The following VPS18 variants were observed in gnomAD, a reference collection of about 807,000 sequenced individuals.
VPS18 encodes the protein VPS18 core subunit of CORVET and HOPS complexes, also known as vacuolar protein sorting-associated protein 18 homolog.
A neutral mutation model predicts 82.0 loss-of-function variants in VPS18; 25 were observed. That is an observed-to-expected ratio of 0.30 (90% CI 0.22 to 0.43). The LOEUF is 0.43. Among genes scored for constraint, VPS18 ranks in the 20% least tolerant of loss-of-function variants. The probability of loss-of-function intolerance (pLI) is 1.00; values close to 1 mark genes in which losing one functional copy is unlikely to be tolerated. For missense variants in VPS18, 1,168 were observed against 1,311.1 expected (o/e 0.89, Z 1.69); for synonymous variants, 523 against 543.0 (o/e 0.96, Z 0.51).
At chr15:40,898,360 A>G (rs1285849699) in intron 2 of VPS18, among the ~76,000 whole-genome samples, 1 of 151,828 alleles carries the variant, frequency 6.6e-6, no homozygotes, top group African/African-American at 2.4e-5. Flanking sequence ...CTGTGCCCCT[A>G]AAAGCTGAGA....
At position 40,900,673 on chromosome 15, in the gene VPS18, A is replaced by G; in HGVS notation, c.1855A>G (p.Ser619Gly). 1.2e-6 allele frequency: 2 copies of G among 1,614,138 alleles called. No individual in the cohort carries two copies. The highest frequency in any genetic ancestry group is 1.7e-6 in the Non-Finnish European group (2 of 1,180,032). The stretch of plus-strand genomic sequence containing the variant: ...TGTAGATGCCTGGATTGAGATGGGC[A>G]GCCGGCTGGATGCTCGTCAGCTCAT... ...QLVDAWIEMG[S>G]RLDARQLIPA... The change falls in exon 4 of 5, where the codon AGC becomes GGC. Residue 619 changes from serine (S) to glycine (G), a missense_variant. Around this residue, in one of 3 missense-constraint regions of VPS18, gnomAD observed 868 missense variants for 939.8 expected, o/e 0.92. Transcript: ENST00000220509. This position sits in a 1 kb window ranked among gnomAD's most constrained non-coding sequence, Gnocchi z 5.4.
chr15:40,896,668 G>T (rs145729399), intron 2 of VPS18, among the ~76,000 whole-genome samples: 1 of 151,718 alleles, frequency 6.6e-6, no homozygotes, highest in Non-Finnish European at 1.5e-5. Context: ...AAAGTTAGCC[G>T]GGCGTGGTGG....
rs1195824815 is a variant in VPS18, at chr15:40,899,123, G to A, written c.326-21G>A. On this transcript the variant is annotated intron_variant, in intron 3 of 4. Coordinates refer to ENST00000220509, the MANE Select transcript of VPS18 (RefSeq NM_020857.3). The surrounding 1 kb of genome is among the most constrained non-coding windows in gnomAD (Gnocchi z 4.4). The stretch of plus-strand genomic sequence containing the variant: ...TGGGAACGGCAGCATCCACTGGGGC[G>A]CCATGCTCTCCCCACTCCAGGCTCT... 6.2e-6 allele frequency: 10 copies of A among 1,606,570 alleles called. No individual in the cohort carries two copies. The highest frequency in any genetic ancestry group is 5.3e-5 in the African/African-American group (4 of 74,830).
chr15:40,894,745 C>T lies in VPS18; in HGVS notation c.-24C>T, dbSNP rs930678417. ...CCTTTTGTAATCCCCAGGCCCCGGACAAAGAGCCCAGAGGCCGGGCACCAT... is the reference window on the plus strand; with the variant it reads ...CCTTTTGTAATCCCCAGGCCCCGGATAAAGAGCCCAGAGGCCGGGCACCAT... On this transcript the variant is annotated 5_prime_UTR_variant, in exon 1 of 5. Coordinates refer to ENST00000220509, the MANE Select transcript of VPS18 (RefSeq NM_020857.3). 6.5e-7 allele frequency: 1 copy of T among 1,538,998 alleles called. No homozygotes were observed.
chr15:40,899,483 C>CCACCACT lies in VPS18; in HGVS notation c.667_673dup (p.Arg225HisfsTer18). On this transcript the variant is annotated frameshift_variant, in exon 4 of 5. Transcript: ENST00000220509. LOFTEE classifies it high-confidence loss of function. This position sits in a 1 kb window ranked among gnomAD's most constrained non-coding sequence, Gnocchi z 4.4. ...CCTGATGGGCGTAGCTTTGTTATTG[C>CCACCACT]CACCACTCGGCAGCGCCTCTTCCAG... 1.9e-6 allele frequency: 3 copies of CCACCACT among 1,611,018 alleles called. No individual in the cohort carries two copies. Among genetic ancestry groups the CCACCACT allele is most frequent in the Non-Finnish European group, 2.5e-6 (3 of 1,178,752 alleles).
Position 40,896,015 on chromosome 15 carries a change from A to G in VPS18, c.169A>G (p.Ile57Val). ...QRIDFTPSER[I>V]TSLVVSSNQL... The stretch of plus-strand genomic sequence containing the variant: ...CATTGACTTCACCCCTTCCGAGCGC[A>G]TTACCAGTCTTGTCGTCTCCAGCAA... Residue 57 changes from isoleucine to valine, a missense_variant, in exon 2 of 5, where the codon ATT becomes GTT. Physicochemically the swap from Ile to Val is conservative, Grantham distance 29. Transcript: ENST00000220509. 5 of 1,614,202 alleles carry G rather than the reference A, an allele frequency of 3.1e-6. No individual in the cohort carries two copies. The highest frequency in any genetic ancestry group is 4.2e-6 in the Non-Finnish European group (5 of 1,180,036).
intron 1 of VPS18, 40 bp downstream of exon 1, chr15:40,894,899 C>T: frequency 4.6e-6 from 7 of 1,528,116 alleles, no homozygotes; most frequent in Non-Finnish European, 6.2e-6. Flanking sequence ...TTCGGCTCTC[C>T]TAGCATTTGC....
Position 40,898,908 on chromosome 15 carries a change from A to G in VPS18, c.235A>G (p.Ile79Val). ...TGATGGTGACGCTTGTCCCCACAGC[A>G]TTGACTTGGGCAAGGCAAATGAGCC... is the stretch of plus-strand genomic sequence containing the variant. ...MSLGKDTLLR[I>V]DLGKANEPNH... Residue 79 changes from isoleucine to valine, a missense_variant and splice_region_variant, in exon 3 of 5, where the codon ATT (isoleucine) becomes GTT (valine). By Grantham distance (29) the Ile-to-Val change is conservative. Around this residue, in one of 3 missense-constraint regions of VPS18, gnomAD observed 868 missense variants for 939.8 expected, o/e 0.92. Transcript: ENST00000220509. 3 of 1,614,006 alleles carry G rather than the reference A, an allele frequency of 1.9e-6. No individual in the cohort carries two copies. The highest frequency in any genetic ancestry group is 2.5e-6 in the Non-Finnish European group (3 of 1,179,948).
chr15:40,899,342 C>G lies in VPS18; in HGVS notation c.524C>G (p.Ser175Ter). Residue 175 changes from serine (S) to a stop codon, truncating the protein, a stop_gained, in exon 4 of 5, where the codon TCA becomes TGA. Coordinates refer to ENST00000220509, the MANE Select transcript of VPS18 (RefSeq NM_020857.3). LOFTEE classifies it high-confidence loss of function. This position sits in a 1 kb window ranked among gnomAD's most constrained non-coding sequence, Gnocchi z 4.4. ...AQGHIFEAELSASEGGLFGPA... is the reference protein window; with the variant it reads ...AQGHIFEAEL ...GGCCACATCTTTGAAGCAGAGCTCT[C>G]AGCCAGCGAAGGTGGGCTTTTCGGC... 1 of 1,613,396 alleles carries G rather than the reference C, an allele frequency of 6.2e-7. No homozygotes were observed.
At position 40,896,097 on chromosome 15, in the gene VPS18, G is replaced by A; in HGVS notation, c.233+18G>A. ...CTGCTCCGGTAATCAAGAGCTCACA[G>A]AGCTTAGGAGTAGGGACTAGAGAGG... On this transcript the variant is annotated intron_variant, in intron 2 of 4. Coordinates refer to ENST00000220509, the MANE Select transcript of VPS18 (RefSeq NM_020857.3). 1 of 1,614,112 alleles carries A rather than the reference G, an allele frequency of 6.2e-7. No individual in the cohort carries two copies. The highest frequency in any genetic ancestry group is 1.1e-5 in the South Asian group (1 of 91,078).
rs1280730648 is a variant in VPS18, at chr15:40,899,073, G to A, written c.326-71G>A. 1.2e-6 allele frequency: 2 copies of A among 1,605,948 alleles called. No individual in the cohort carries two copies. Among genetic ancestry groups the A allele is most frequent in the African/African-American group, 1.3e-5 (1 of 74,858 alleles). On this transcript the variant is annotated intron_variant, in intron 3 of 4. Transcript: ENST00000220509. This position sits in a 1 kb window ranked among gnomAD's most constrained non-coding sequence, Gnocchi z 4.4. Reference sequence around the variant, plus strand: ...TGGGTGGGTGGGCTCTGAGGGTGGTGTGGGGGCCAGGAGGAGGCTGAGGAT... The same window carrying A: ...TGGGTGGGTGGGCTCTGAGGGTGGTATGGGGGCCAGGAGGAGGCTGAGGAT...
Position 40,902,108 on chromosome 15 carries a change from CTTTCTTTCTT to C in VPS18, c.2197-504_2197-495del, listed in dbSNP as rs142458260. 0.036 allele frequency among the ~76,000 whole-genome samples: 5,336 copies of C among 149,760 alleles called. 145 individuals carry two copies. Among genetic ancestry groups the C allele is most frequent in the East Asian group, 0.09 (453 of 5,050 alleles). On this transcript the variant is annotated intron_variant, in intron 4 of 4. Transcript: ENST00000220509. This position sits in a 1 kb window ranked among gnomAD's most constrained non-coding sequence, Gnocchi z 4.2. ...TCCCAGGTGATTTCTTTCTTTCTTT[CTTTCTTTCTT>C]TTTTTTTTTTTTGAGACGGAGTCTT...
Position 40,900,283 on chromosome 15 carries a change from AC to A in VPS18, c.1466del (p.Thr489AsnfsTer3). Reference sequence around the variant, plus strand: ...GAAGCCAGCCGAACGTACCCAGGCCACACTGCTGACCACCTGGCTGACAGAG... The same window carrying A: ...GAAGCCAGCCGAACGTACCCAGGCCAACTGCTGACCACCTGGCTGACAGAG... ...SLKPAERTQA[T>X]LLTTWLTELY... On this transcript the variant is annotated frameshift_variant, in exon 4 of 5. Transcript: ENST00000220509. LOFTEE classifies it high-confidence loss of function. The surrounding 1 kb of genome is among the most constrained non-coding windows in gnomAD (Gnocchi z 5.4). The A allele has an allele frequency of 1.2e-6, 2 of 1,613,758 alleles. No individual in the cohort carries two copies. The highest frequency in any genetic ancestry group is 1.7e-6 in the Non-Finnish European group (2 of 1,179,998).
chr15:40,894,938 GA>G, intron 1 of VPS18, 79 bp downstream of exon 1: 1 of 1,416,612 alleles, frequency 7.1e-7, no homozygotes, highest in South Asian at 1.3e-5. Flanking sequence ...GCAGCTCCAA[GA>G]GCTCGGGGTC....
In VPS18 at chr15:40,902,831, G is replaced by C; in HGVS notation, c.2412G>C (p.Ala804=). 3 of 1,614,222 alleles carry C rather than the reference G, an allele frequency of 1.9e-6. No individual in the cohort carries two copies. Among genetic ancestry groups the C allele is most frequent in the Non-Finnish European group, 2.5e-6 (3 of 1,180,036 alleles). Residue 804 remains alanine (A), a synonymous_variant, in exon 5 of 5, where the codon GCG becomes GCC. Coordinates refer to ENST00000220509, the MANE Select transcript of VPS18 (RefSeq NM_020857.3). The surrounding 1 kb of genome is among the most constrained non-coding windows in gnomAD (Gnocchi z 4.2). ...TCACCATCGACCACTTCAAGGAGGCGATCTGCAGCTCACTTAAGGCCTACA... is the reference window on the plus strand; with the variant it reads ...TCACCATCGACCACTTCAAGGAGGCCATCTGCAGCTCACTTAAGGCCTACA... The part of the protein sequence containing the change: ...DFVTIDHFKE[A]ICSSLKAYNH...
chr15:40,897,168 G>A (rs1054419266), intron 2 of VPS18, among the ~76,000 whole-genome samples: 8 of 152,058 alleles, frequency 5.3e-5, no homozygotes, highest in Non-Finnish European at 8.8e-5. Flanking sequence ...GGTGGCAGGT[G>A]CCTGTAATCC....
intron 1 of VPS18, 67 bp downstream of exon 1, chr15:40,894,926 G>A: frequency 6.8e-7 from 1 of 1,474,142 alleles, no homozygotes; most frequent in Non-Finnish European, 9.1e-7. Flanking sequence ...GCAGCGAGGA[G>A]GGCAGCTCCA....
rs1036454114 is a variant in VPS18, at chr15:40,902,541, G to A, written c.2197-75G>A. The A allele has an allele frequency of 1.1e-5, 16 of 1,523,694 alleles. No homozygotes were observed. The highest frequency in any genetic ancestry group is 2.6e-5 in the South Asian group (2 of 76,840). The allele number at this position is 1,523,694 out of a possible 1,614,324, so 94.4% of individuals were successfully genotyped here. On this transcript the variant is annotated intron_variant, in intron 4 of 4. Coordinates refer to ENST00000220509, the MANE Select transcript of VPS18 (RefSeq NM_020857.3). This position sits in a 1 kb window ranked among gnomAD's most constrained non-coding sequence, Gnocchi z 4.2. Reference sequence around the variant, plus strand: ...GAATCCTGCCTCGGGGCCTCTCCTCGGCCATCTCTCTCTCCCATAGTCTCC... The same window carrying A: ...GAATCCTGCCTCGGGGCCTCTCCTCAGCCATCTCTCTCTCCCATAGTCTCC...
At position 40,898,772 on chromosome 15, in the gene VPS18, T is replaced by C. The variant is rs117837070; in HGVS notation, c.234-135T>C. 3.9e-4 allele frequency: 377 copies of C among 963,538 alleles called. 2 individuals carry two copies. In the East Asian group the frequency reaches 8.5e-3, roughly 22 times the overall value. 59.7% of individuals were successfully genotyped at this position (963,538 alleles called of 1,614,324 possible). ...ACAGGCTGAGCCAGTGCACCTGGCCTGTATTCAGCATTTTATGCATAGATG... is the reference window on the plus strand; with the variant it reads ...ACAGGCTGAGCCAGTGCACCTGGCCCGTATTCAGCATTTTATGCATAGATG... On this transcript the variant is annotated intron_variant, in intron 2 of 4. Transcript: ENST00000220509.
Sources: gnomAD v4.1 joint callset for allele counts (sites outside exome capture counted in the v4.1 genomes callset) on GRCh38, gnomAD v4.1.1 for gene constraint, gnomAD v4.1.1 regional missense constraint, Gnocchi (gnomAD v3.1) non-coding constraint, MANE v1.5 for transcripts, NCBI Gene and HGNC (gene_info 2026-07-23, HGNC 2026-07-21) for gene names.